Variants in ADGRL3 observed in about 807,000 individuals in gnomAD.
The protein encoded by ADGRL3 is calcium-independent alpha-latrotoxin receptor 3.
Under a neutral mutation model 153.5 loss-of-function variants are expected in ADGRL3, and 62 were observed. The ratio of observed to expected loss-of-function variants is 0.40; its 90% CI spans 0.33 to 0.50. The LOEUF (loss-of-function observed/expected upper bound fraction) is 0.50. ADGRL3 is among the 20% of genes least tolerant of loss of function. ADGRL3 has a pLI of 0.47. For synonymous variants in ADGRL3, 710 were observed against 672.5 expected, an observed-to-expected ratio of 1.06 and a Z score of -0.86; for missense variants, 1,641 against 1,859.4, an observed-to-expected ratio of 0.88 and a Z score of 2.16.
At chr4:62,033,671 C>T (rs1462646765) in intron 23 of ADGRL3, among the ~76,000 whole-genome samples, 1 of 151,534 alleles carries the variant, frequency 6.6e-6, no homozygotes, top group Non-Finnish European at 1.5e-5. Context: ...GTAGCATTTG[C>T]CCATGATAAA....
chr4:61,668,029 C>A (rs1406083994), intron 5 of ADGRL3, among the ~76,000 whole-genome samples: 1 of 152,186 alleles, frequency 6.6e-6, no homozygotes, highest in East Asian at 1.9e-4. Context: ...GAATTATGAT[C>A]TTCTCCATAA....
intron 19 of ADGRL3, among the ~76,000 whole-genome samples, chr4:61,987,878 T>C (rs2099091274): frequency 6.6e-6 from 1 of 152,088 alleles, no homozygotes; most frequent in African/African-American, 2.4e-5. Context: ...CTCCTATTAA[T>C]GTATTTGTTT....
intron 5 of ADGRL3, among the ~76,000 whole-genome samples, chr4:61,654,551 A>C (rs1215186054): frequency 6.6e-6 from 1 of 151,952 alleles, no homozygotes; most frequent in Non-Finnish European, 1.5e-5. Context: ...TATTTTTTAA[A>C]ATAAAAATAA....
chr4:61,682,103 T>A (rs867158872), intron 6 of ADGRL3, among the ~76,000 whole-genome samples: 1 of 152,044 alleles, frequency 6.6e-6, no homozygotes, highest in South Asian at 2.1e-4. Flanking sequence ...TTTTTAAAAA[T>A]ATACATTATA....
At chr4:61,465,044 C>T (rs1230220052) in intron 2 of ADGRL3, among the ~76,000 whole-genome samples, 1 of 152,078 alleles carries the variant, frequency 6.6e-6, no homozygotes, top group Non-Finnish European at 1.5e-5. Context: ...GATGCTCAAC[C>T]ACGGGATCCT....
At position 61,713,716 on chromosome 4, in the gene ADGRL3, A is replaced by G. The variant is rs186045814; in HGVS notation, c.584-16906A>G. The stretch of plus-strand genomic sequence containing the variant: ...AGACCAAGAAATAAGAGCCCAAAAA[A>G]TGAACAATGGTTTTTATGTAGAAAG... On this transcript the variant is annotated intron_variant, in intron 6 of 26. Transcript: ENST00000683033. Among the ~76,000 whole-genome samples, 142 of 152,246 alleles carry G rather than the reference A, an allele frequency of 9.3e-4. 2 individuals are homozygous for G. The highest frequency in any genetic ancestry group is 3.3e-3 in the African/African-American group (136 of 41,552).
intron 6 of ADGRL3, among the ~76,000 whole-genome samples, chr4:61,678,365 GA>G (rs1487319638): frequency 6.6e-6 from 1 of 151,878 alleles, no homozygotes; most frequent in Non-Finnish European, 1.5e-5. Context: ...TATAAAAGCT[GA>G]AGTAAAATTT....
At chr4:61,747,450 A>T (rs1263031358) in intron 8 of ADGRL3, among the ~76,000 whole-genome samples, 1 of 151,374 alleles carries the variant, frequency 6.6e-6, no homozygotes, top group Admixed American at 6.6e-5. Context: ...TTGATGCAAA[A>T]ATCCTCAATA....
intron 9 of ADGRL3, among the ~76,000 whole-genome samples, chr4:61,826,359 G>A (rs147039369): frequency 6.6e-6 from 1 of 152,238 alleles, no homozygotes; most frequent in East Asian, 1.9e-4. Flanking sequence ...ACTAAGTAAG[G>A]CCTCCTATTT....
intron 5 of ADGRL3, among the ~76,000 whole-genome samples, chr4:61,631,878 C>T (rs749422804): frequency 6.6e-6 from 1 of 152,004 alleles, no homozygotes; most frequent in African/African-American, 2.4e-5. Flanking sequence ...CTGCCCCCCT[C>T]AGCCTTCCAA....
intron 2 of ADGRL3, among the ~76,000 whole-genome samples, chr4:61,457,647 A>T (rs2097768511): frequency 6.6e-6 from 1 of 151,878 alleles, no homozygotes; most frequent in Admixed American, 6.6e-5. Flanking sequence ...CAAATTCAGT[A>T]TATTATTCTA....
intron 6 of ADGRL3, among the ~76,000 whole-genome samples, chr4:61,686,211 A>G (rs918285362): frequency 6.6e-6 from 1 of 152,154 alleles, no homozygotes; most frequent in Non-Finnish European, 1.5e-5. Flanking sequence ...ATGTAGAGTT[A>G]AAATATCTTG....
intron 1 of ADGRL3, among the ~76,000 whole-genome samples, chr4:61,309,556 G>A (rs879902472): frequency 5.3e-5 from 8 of 152,020 alleles, no homozygotes; most frequent in Non-Finnish European, 7.4e-5. Context: ...ATTATCTATA[G>A]TATAGTAAGC....
intron 8 of ADGRL3, among the ~76,000 whole-genome samples, chr4:61,758,056 T>A (rs978265985): frequency 2.0e-5 from 3 of 150,956 alleles, no homozygotes; most frequent in Non-Finnish European, 4.4e-5. Context: ...TGGTCAATTT[T>A]GGAATAGGTG....
chr4:61,987,269 G>A lies in ADGRL3; in HGVS notation c.3236+3666G>A, dbSNP rs182643824. ...CAACCCCTGCCACCCGGGTTCAAGC[G>A]ATTCTCCTGACTCAGCCTCCCGAGC... On this transcript the variant is annotated intron_variant, in intron 19 of 26. Transcript: ENST00000683033. 4.7e-3 allele frequency among the ~76,000 whole-genome samples: 719 copies of A among 151,872 alleles called. 5 individuals carry two copies. Among genetic ancestry groups the A allele is most frequent in the Non-Finnish European group, 4.5e-3 (304 of 67,912 alleles).
chr4:61,968,774 G>C (rs1255181343), intron 17 of ADGRL3, among the ~76,000 whole-genome samples: 4 of 152,190 alleles, frequency 2.6e-5, no homozygotes, highest in Non-Finnish European at 2.9e-5. Flanking sequence ...GGTAAGAACT[G>C]TTCATTTTCT....
chr4:62,061,790 A>T (rs977787217), intron 25 of ADGRL3, among the ~76,000 whole-genome samples: 4 of 151,904 alleles, frequency 2.6e-5, no homozygotes, highest in Non-Finnish European at 5.9e-5. Context: ...GTGTATCAGT[A>T]GTTTGTTCCT....
chr4:61,648,270 A>G (rs1404224811), intron 5 of ADGRL3, among the ~76,000 whole-genome samples: 3 of 152,010 alleles, frequency 2.0e-5, no homozygotes, highest in African/African-American at 7.2e-5. Context: ...ATGGAAATAA[A>G]ATATGTAAAA....
chr4:62,028,726 A>C, intron 21 of ADGRL3, 129 bp from the exon 22 acceptor site: 1 of 619,512 alleles, frequency 1.6e-6, no homozygotes, highest in Non-Finnish European at 2.8e-6. Flanking sequence ...GATATAAAGG[A>C]TAATGATTTC....
Sources: allele counts gnomAD v4.1 joint callset (sites outside exome capture counted in the v4.1 genomes callset), GRCh38; gene constraint gnomAD v4.1.1; transcripts MANE v1.5; gene names NCBI Gene and HGNC (gene_info 2026-07-23, HGNC 2026-07-21).